DUOX2: variants seen among roughly 807,000 people sequenced by gnomAD.
DUOX2 encodes the protein dual oxidase 2, also known as NADH/NADPH thyroid oxidase p138-tox.
DUOX2 carries 185 observed loss-of-function variants against 183.3 expected under a neutral mutation model. The ratio of observed to expected loss-of-function variants is 1.01; its 90% confidence interval spans 0.90 to 1.14. The LOEUF (loss-of-function observed/expected upper bound fraction) is 1.14, where lower values mean the gene tolerates loss of function less well. Ranked by LOEUF, DUOX2 falls within the 50% of genes most tolerant of loss-of-function variation. DUOX2 has a pLI of 0.00. For synonymous variants in DUOX2, 788 were observed against 812.4 expected (o/e 0.97, Z 0.51); for missense variants, 1,999 against 2,022.9 (o/e 0.99, Z 0.23).
chr15:45,113,339 T>C lies in DUOX2; in HGVS notation c.70+3A>G. On this transcript the variant is annotated splice_donor_region_variant and intron_variant, in intron 2 of 33. Transcript: ENST00000389039. The stretch of plus-strand genomic sequence containing the variant: ...CCCGCCGCTAGAGGAGCCTGATACT[T>C]GCCCGATGGACCCAGGGATCCAGTC... 2 of 1,559,540 alleles carry C rather than the reference T, an allele frequency of 1.3e-6. No individual in the cohort carries two copies. The highest frequency in any genetic ancestry group is 1.7e-6 in the Non-Finnish European group (2 of 1,150,872).
chr15:45,108,304 A>G (rs971623258), intron 12 of DUOX2, 82 bp from the exon 13 acceptor site: 4 of 1,522,364 alleles, frequency 2.6e-6, no homozygotes, highest in Non-Finnish European at 3.6e-6. Context: ...CGGGCACAGA[A>G]CCTCAGCCGC....
At chr15:45,099,057 C>G (rs1266275116) in intron 26 of DUOX2, 8 of 278,042 alleles carry the variant, frequency 2.9e-5, no homozygotes, top group Middle Eastern at 1.3e-3. Flanking sequence ...TTCGCCCAAG[C>G]TGGACTGCAG....
intron 9 of DUOX2, 52 bp from the exon 10 acceptor site, chr15:45,110,032 A>G (rs755561340): frequency 2.6e-5 from 41 of 1,573,308 alleles, no homozygotes; most frequent in Non-Finnish European, 3.3e-5. Flanking sequence ...AGAATCAAAG[A>G]TGGGGTTGAG....
In DUOX2 at chr15:45,111,525, TC is replaced by T; in HGVS notation, c.573del (p.Trp191Ter). ...GSAIYGSSHS[W>X]SDALRSFSGG... The stretch of plus-strand genomic sequence containing the variant: ...CCCGAGAAGCTCCGCAGCGCGTCGC[TC>T]CAGGAGTGCGAGGAGCCATAGATGG... On this transcript the variant is annotated frameshift_variant, in exon 6 of 34. Transcript: ENST00000389039. LOFTEE classifies it high-confidence loss of function. 1 of 1,554,652 alleles carries T rather than the reference TC, an allele frequency of 6.4e-7. No individual in the cohort carries two copies. The highest frequency in any genetic ancestry group is 8.7e-7 in the Non-Finnish European group (1 of 1,153,320).
chr15:45,111,751 C>G lies in DUOX2; in HGVS notation c.513+17G>C, dbSNP rs1249433790. On this transcript the variant is annotated intron_variant, in intron 5 of 33. Transcript: ENST00000389039. ...TGGCTGGGGTGCGGTCCCTTCCCGC[C>G]GCCTTCCCCGCCTCACCAGGTCCCG... The G allele has an allele frequency of 3.9e-6, 6 of 1,555,042 alleles. 1 individual carries two copies. In the South Asian group the frequency reaches 7.1e-5, roughly 18 times the overall value.
intron 20 of DUOX2, among the ~76,000 whole-genome samples, chr15:45,103,689 C>T (rs909964700): frequency 6.7e-6 from 1 of 149,512 alleles, no homozygotes; most frequent in African/African-American, 2.5e-5. Flanking sequence ...TGTCGTTGGC[C>T]ATATTGGTGT....
chr15:45,106,057 G>C (rs1894203715), intron 17 of DUOX2, 68 bp downstream of exon 17: 1 of 1,567,300 alleles, frequency 6.4e-7, no homozygotes, highest in African/African-American at 1.4e-5. Context: ...TGAGGATAGG[G>C]TGGCCTCGCT....
chr15:45,102,576 G>A (rs1434136376), intron 20 of DUOX2, among the ~76,000 whole-genome samples: 1 of 150,390 alleles, frequency 6.6e-6, no homozygotes, highest in African/African-American at 2.5e-5. Flanking sequence ...GTGTAGGTCC[G>A]GCAGCAATGC....
In DUOX2 at chr15:45,113,049, C is replaced by T. The variant is rs1278752020; in HGVS notation, c.98G>A (p.Trp33Ter). The T allele has an allele frequency of 6.2e-7, 1 of 1,614,038 alleles. No individual in the cohort carries two copies. The highest frequency in any genetic ancestry group is 8.5e-7 in the Non-Finnish European group (1 of 1,180,014). ...CCAGCCGTCATAGCGCTGCACTTCCCAGGGCAGTGAGAGTGCGTCCTGACT... is the reference window on the plus strand; with the variant it reads ...CCAGCCGTCATAGCGCTGCACTTCCTAGGGCAGTGAGAGTGCGTCCTGACT... ...SGSQDALSLP[W>*]EVQRYDGWFN... The change falls in exon 3 of 34, where the codon TGG (tryptophan) becomes TAG (stop). Residue 33 changes from tryptophan to a stop codon, truncating the protein, a stop_gained. Coordinates refer to ENST00000389039, the MANE Select transcript of DUOX2 (RefSeq NM_001363711.2). LOFTEE classifies it high-confidence loss of function.
Position 45,112,713 on chromosome 15 carries a change from G to A in DUOX2, c.166C>T (p.Arg56Trp), listed in dbSNP as rs767614677. 1 of 1,611,506 alleles carries A rather than the reference G, an allele frequency of 6.2e-7. No homozygotes were observed. The highest frequency in any genetic ancestry group is 8.5e-7 in the Non-Finnish European group (1 of 1,179,874). Residue 56 changes from arginine to tryptophan, a missense_variant, in exon 4 of 34, where the codon CGG (arginine) becomes TGG (tryptophan). By Grantham distance (101) the Arg-to-Trp change is moderately radical. Transcript: ENST00000389039. ...TTGGCTGGTACGCGGCGCTGCAACC[G>A]GCAGCCTGCGGAGGCAGGGAGCGGG... ...RHHERGAVGC[R>W]LQRRVPANYA...
At position 45,097,516 on chromosome 15, in the gene DUOX2, G is replaced by A; in HGVS notation, c.3693+98C>T. On this transcript the variant is annotated intron_variant, in intron 28 of 33. Coordinates refer to ENST00000389039, the MANE Select transcript of DUOX2 (RefSeq NM_001363711.2). Reference sequence around the variant, plus strand: ...GAGGTCTGGGGTCTTAAATCTCAAAGTCTCATTCTGAGATCTTGGATCCAA... The same window carrying A: ...GAGGTCTGGGGTCTTAAATCTCAAAATCTCATTCTGAGATCTTGGATCCAA... 5 of 1,611,812 alleles carry A rather than the reference G, an allele frequency of 3.1e-6. No homozygotes were observed. The South Asian group carries it at 5.5e-5, about 18-fold the overall frequency.
chr15:45,098,302 T>C (rs558555299), intron 26 of DUOX2, among the ~76,000 whole-genome samples: 14 of 152,328 alleles, frequency 9.2e-5, no homozygotes, highest in African/African-American at 3.4e-4. Flanking sequence ...CCTGCTTCCT[T>C]GAGTCCCTGG....
intron 16 of DUOX2, 89 bp from the exon 17 acceptor site, chr15:45,106,416 G>T: frequency 6.3e-7 from 1 of 1,579,616 alleles, no homozygotes; most frequent in South Asian, 1.1e-5. Flanking sequence ...CTGAGCAGGC[G>T]CCCTAAAGGT....
Position 45,094,127 on chromosome 15 carries a change from A to G in DUOX2, c.*23T>C, listed in dbSNP as rs762912738. ...ACAGAAGAGAAGGCAGGATACTGGA[A>G]GCAGCAGCCAGGGAGGACAGGCTCA... is the stretch of plus-strand genomic sequence containing the variant. On this transcript the variant is annotated 3_prime_UTR_variant, in exon 34 of 34. Transcript: ENST00000389039. 15 of 1,614,048 alleles carry G rather than the reference A, an allele frequency of 9.3e-6. No homozygotes were observed. The Admixed American group carries it at 2.5e-4, about 27-fold the overall frequency.
chr15:45,099,399 C>T lies in DUOX2; in HGVS notation c.3499G>A (p.Val1167Ile), dbSNP rs760172069. Reference protein sequence around the residue: ...LSLLACIFPNVFVNDGSKLPQ... With the variant: ...LSLLACIFPNIFVNDGSKLPQ... ...AGAACTGACCCATCATTCACAAAGACGTTGGGGAATATGCAGGCCAGCAGG... is the reference window on the plus strand; with the variant it reads ...AGAACTGACCCATCATTCACAAAGATGTTGGGGAATATGCAGGCCAGCAGG... The change falls in exon 26 of 34, where the codon GTC becomes ATC. Residue 1167 changes from valine to isoleucine, a missense_variant. Coordinates refer to ENST00000389039, the MANE Select transcript of DUOX2 (RefSeq NM_001363711.2). 5.6e-6 allele frequency: 9 copies of T among 1,613,890 alleles called. No homozygotes were observed. Among genetic ancestry groups the T allele is most frequent in the Admixed American group, 3.3e-5 (2 of 60,004 alleles).
chr15:45,096,174 T>A (rs1678949676), intron 29 of DUOX2, 114 bp from the exon 30 acceptor site: 2 of 904,366 alleles, frequency 2.2e-6, no homozygotes, highest in Admixed American at 3.9e-5. Context: ...AGTCACATGG[T>A]CTGAGCAAGC....
At chr15:45,107,758 G>A (rs1442014303) in intron 13 of DUOX2, among the ~76,000 whole-genome samples, 3 of 149,934 alleles carry the variant, frequency 2.0e-5, no homozygotes, top group Non-Finnish European at 4.4e-5. Flanking sequence ...GGCTGATGCA[G>A]GAGAATCACT....
intron 15 of DUOX2, 69 bp downstream of exon 15, chr15:45,106,763 G>C: frequency 1.9e-6 from 3 of 1,602,640 alleles, no homozygotes; most frequent in Non-Finnish European, 2.6e-6. Flanking sequence ...GTACCAAATA[G>C]CCAGCCCCTC....
chr15:45,108,910 A>G lies in DUOX2; in HGVS notation c.1277T>C (p.Val426Ala), dbSNP rs1232227622. Residue 426 changes from valine to alanine, a missense_variant, in exon 12 of 34, where the codon GTG (valine) becomes GCG (alanine). Around this residue, in one of 3 missense-constraint regions of DUOX2, gnomAD observed 1,628 missense variants for 1,608.6 expected, o/e 1.01. Transcript: ENST00000389039. ...TCGGCCACGTTGGATGCTGCTGGCC[A>G]CATAGTCTGTACGGGAGAATTTGCC... Reference protein sequence around the residue: ...GPGKFSRTDYVASSIQRGRDM... With the variant: ...GPGKFSRTDYAASSIQRGRDM... The G allele has an allele frequency of 2.5e-6, 4 of 1,614,150 alleles. No individual in the cohort carries two copies. The highest frequency in any genetic ancestry group is 3.3e-5 in the Admixed American group (2 of 60,018).
Sources: gnomAD v4.1 joint callset for allele counts (sites outside exome capture counted in the v4.1 genomes callset) on GRCh38, gnomAD v4.1.1 for gene constraint, gnomAD v4.1.1 regional missense constraint, MANE v1.5 for transcripts, NCBI Gene and HGNC (gene_info 2026-07-23, HGNC 2026-07-21) for gene names.